LAMA2: variants seen among roughly 807,000 people sequenced by gnomAD.
LAMA2 encodes the protein laminin subunit alpha 2.
In LAMA2, 269 loss-of-function variants were observed where a neutral mutation model predicts 364.8. That is an observed-to-expected ratio of 0.74 (90% CI 0.67 to 0.82). The LOEUF (loss-of-function observed/expected upper bound fraction) is 0.82. Among genes scored for constraint, LAMA2 ranks in the 40% least tolerant of loss-of-function variants. The probability of loss-of-function intolerance (pLI) is 0.00; values close to 1 mark genes in which losing one functional copy is unlikely to be tolerated. For missense variants in LAMA2, 3,807 were observed against 3,873.2 expected, an observed-to-expected ratio of 0.98 and a Z score of 0.45; for synonymous variants, 1,379 against 1,370.6, an observed-to-expected ratio of 1.01 and a Z score of -0.14.
At chr6:129,290,209 A>T (rs947068375) in intron 19 of LAMA2, among the ~76,000 whole-genome samples, 8 of 152,276 alleles carry the variant, frequency 5.3e-5, no homozygotes, top group Admixed American at 2.0e-4. Context: ...GTGACTCCTA[A>T]AGTCTAAATA....
intron 1 of LAMA2, among the ~76,000 whole-genome samples, chr6:128,960,643 A>G (rs1781429564): frequency 1.3e-5 from 2 of 152,212 alleles, no homozygotes; most frequent in Admixed American, 1.3e-4. Context: ...TACAGGCGTG[A>G]GCCACCACGC....
At position 128,883,224 on chromosome 6, in the gene LAMA2, G is replaced by A; in HGVS notation, c.-22G>A. 1 of 1,547,566 alleles carries A rather than the reference G, an allele frequency of 6.5e-7. No homozygotes were observed. The highest frequency in any genetic ancestry group is 8.7e-7 in the Non-Finnish European group (1 of 1,146,896). On this transcript the variant is annotated 5_prime_UTR_variant, in exon 1 of 65. Coordinates refer to ENST00000421865, the MANE Select transcript of LAMA2 (RefSeq NM_000426.4). ...GCGACTCCTCTGGCTCCCGAGAAGT[G>A]GATCCGGTCGCGGCCACTACGATGC...
rs534190716 is a variant in LAMA2, at chr6:129,248,397, C to T, written c.1783-1715C>T. The stretch of plus-strand genomic sequence containing the variant: ...GATCTTTTTCTACTTCATCTATAGT[C>T]GTAACAGCTTTGACATTCAAATTAT... On this transcript the variant is annotated intron_variant, in intron 12 of 64. Transcript: ENST00000421865. Among the ~76,000 whole-genome samples, 172 of 152,196 alleles carry T rather than the reference C, an allele frequency of 1.1e-3. 1 individual carries two copies. The highest frequency in any genetic ancestry group is 4.0e-3 in the African/African-American group (165 of 41,518).
At chr6:129,499,346 C>T (rs1785446082) in intron 58 of LAMA2, among the ~76,000 whole-genome samples, 2 of 152,016 alleles carry the variant, frequency 1.3e-5, no homozygotes, top group South Asian at 4.1e-4. Flanking sequence ...GCATCACATC[C>T]ATAGAGATGA....
At chr6:129,446,729 GTTCATCAGT>G (rs1255472893) in intron 45 of LAMA2, among the ~76,000 whole-genome samples, 2 of 152,042 alleles carry the variant, frequency 1.3e-5, no homozygotes, top group Non-Finnish European at 2.9e-5. Flanking sequence ...CCCTTTCTTA[GTTCATCAGT>G]TTATATTTTT....
intron 20 of LAMA2, chr6:129,293,042 G>A: frequency 1.0e-6 from 1 of 985,906 alleles, no homozygotes. Flanking sequence ...GGTGCCCTCG[G>A]GGAGCCTATC....
At chr6:129,208,733 AGGAG>A (rs796714957) in intron 12 of LAMA2, among the ~76,000 whole-genome samples, 3 of 135,044 alleles carry the variant, frequency 2.2e-5, no homozygotes, top group Non-Finnish European at 5.0e-5. Flanking sequence ...GAGGGAAGGA[AGGAG>A]GGAGGGAGGA....
intron 32 of LAMA2, among the ~76,000 whole-genome samples, chr6:129,362,140 C>G (rs1777501435): frequency 6.6e-6 from 1 of 152,042 alleles, no homozygotes. Context: ...ATCTGTCAGT[C>G]ATGGTGTTCT....
chr6:129,386,340 G>A (rs1259523499), intron 35 of LAMA2, among the ~76,000 whole-genome samples: 2 of 151,720 alleles, frequency 1.3e-5, no homozygotes, highest in South Asian at 2.1e-4. Context: ...ATAGGATCTG[G>A]AACTATATAT....
At chr6:129,167,393 T>C (rs961328005) in intron 9 of LAMA2, among the ~76,000 whole-genome samples, 1 of 148,596 alleles carries the variant, frequency 6.7e-6, no homozygotes, top group Non-Finnish European at 1.5e-5. Context: ...TTCCCACCTA[T>C]GAGTGAGAAT....
intron 3 of LAMA2, among the ~76,000 whole-genome samples, chr6:129,091,953 C>G (rs1774859251): frequency 6.6e-6 from 1 of 152,208 alleles, no homozygotes; most frequent in African/African-American, 2.4e-5. Flanking sequence ...ATTGCCTACA[C>G]ATTTTTGTTA....
intron 2 of LAMA2, among the ~76,000 whole-genome samples, chr6:129,054,301 A>G (rs1386144817): frequency 6.6e-6 from 1 of 152,214 alleles, no homozygotes; most frequent in East Asian, 1.9e-4. Context: ...GGAGCATTAC[A>G]GGGAAAGTAG....
intron 34 of LAMA2, among the ~76,000 whole-genome samples, chr6:129,377,413 A>G (rs1190830902): frequency 6.6e-6 from 1 of 152,054 alleles, no homozygotes; most frequent in African/African-American, 2.4e-5. Context: ...ATATAAAACA[A>G]GTCATATCTT....
chr6:129,007,684 T>G (rs1335386318), intron 1 of LAMA2, among the ~76,000 whole-genome samples: 2 of 152,172 alleles, frequency 1.3e-5, no homozygotes, highest in Non-Finnish European at 2.9e-5. Context: ...GGAACTTTTT[T>G]GTTCAGTATT....
In LAMA2 at chr6:129,311,877, A is replaced by G. The variant is rs566638195; in HGVS notation, c.3175-984A>G. On this transcript the variant is annotated intron_variant, in intron 22 of 64. Coordinates refer to ENST00000421865, the MANE Select transcript of LAMA2 (RefSeq NM_000426.4). ...TGTATACAATAAAACTTTTCCTGTA[A>G]AACAGGAGCTGTGAAAGTAGGATAC... 7.2e-5 allele frequency among the ~76,000 whole-genome samples: 11 copies of G among 152,336 alleles called. No individual in the cohort carries two copies. In the East Asian group the frequency reaches 2.1e-3, roughly 29 times the overall value.
chr6:129,123,717 A>C (rs1334930270), intron 4 of LAMA2, among the ~76,000 whole-genome samples: 1 of 152,188 alleles, frequency 6.6e-6, no homozygotes, highest in Non-Finnish European at 1.5e-5. Flanking sequence ...AATGGTAGTT[A>C]CCAGGGTCTG....
intron 1 of LAMA2, among the ~76,000 whole-genome samples, chr6:129,039,021 A>C (rs1786884305): frequency 6.6e-6 from 1 of 152,240 alleles, no homozygotes; most frequent in African/African-American, 2.4e-5. Flanking sequence ...TATACAGTGC[A>C]TGAACTCATT....
chr6:129,468,716 A>G (rs182586182), intron 51 of LAMA2, among the ~76,000 whole-genome samples: 1 of 152,074 alleles, frequency 6.6e-6, no homozygotes, highest in East Asian at 1.9e-4. Context: ...TGGCAAAATA[A>G]CCTTACTACC....
At chr6:128,887,796 G>A (rs1226392782) in intron 1 of LAMA2, among the ~76,000 whole-genome samples, 1 of 152,156 alleles carries the variant, frequency 6.6e-6, no homozygotes, top group African/African-American at 2.4e-5. Context: ...CTTGAACCCT[G>A]GAGGCAGAGG....
Sources: gnomAD v4.1 joint callset for allele counts (sites outside exome capture counted in the v4.1 genomes callset) on GRCh38, gnomAD v4.1.1 for gene constraint, MANE v1.5 for transcripts, NCBI Gene and HGNC (gene_info 2026-07-23, HGNC 2026-07-21) for gene names.